Variants in PRLR observed in about 807,000 individuals in gnomAD.
PRLR encodes the protein prolactin receptor, also known as hPRL receptor.
Under a neutral mutation model 40.2 loss-of-function variants are expected in PRLR, and 13 were observed. The ratio of observed to expected loss-of-function variants is 0.32; its 90% confidence interval spans 0.21 to 0.51. The LOEUF (loss-of-function observed/expected upper bound fraction) is 0.51, where lower values mean the gene tolerates loss of function less well. Ranked by LOEUF, PRLR falls within the 20% of genes least tolerant of loss-of-function variation. The pLI, the probability that PRLR is intolerant of heterozygous loss-of-function variation, is 0.97. For synonymous variants in PRLR, 269 were observed against 278.7 expected (o/e 0.97, Z 0.35); for missense variants, 656 against 747.3 (o/e 0.88, Z 1.42).
chr5:35,091,740 C>T lies in PRLR; in HGVS notation c.-43-2077G>A, dbSNP rs75242878. ...GCCTTCTCAGCTACTGCCCTACTTA[C>T]GCCCAAGGACCTTAAATACTGTTGA... On this transcript the variant is annotated intron_variant, in intron 2 of 9. Coordinates refer to ENST00000618457, the MANE Select transcript of PRLR (RefSeq NM_000949.7). 3.5e-3 allele frequency among the ~76,000 whole-genome samples: 528 copies of T among 152,294 alleles called. 3 individuals are homozygous for T. Among genetic ancestry groups the T allele is most frequent in the African/African-American group, 0.011 (450 of 41,564 alleles).
chr5:35,176,578 C>T (rs931778893), intron 1 of PRLR, among the ~76,000 whole-genome samples: 154 of 152,198 alleles, frequency 1.0e-3, no homozygotes, highest in Non-Finnish European at 1.5e-3. Context: ...GGATTAAGGG[C>T]GGTGCAAGAT....
intron 1 of PRLR, among the ~76,000 whole-genome samples, chr5:35,121,355 G>T (rs1296023151): frequency 6.6e-6 from 1 of 152,272 alleles, no homozygotes; most frequent in South Asian, 2.1e-4. Context: ...TCAGTTCTAC[G>T]TTCCTAGAGG....
Position 35,202,275 on chromosome 5 carries a change from T to C in PRLR, c.-106+27993A>G, listed in dbSNP as rs139912297. 7.9e-5 allele frequency among the ~76,000 whole-genome samples: 12 copies of C among 152,318 alleles called. No individual in the cohort carries two copies. In the East Asian group the frequency reaches 2.3e-3, roughly 29 times the overall value. On this transcript the variant is annotated intron_variant, in intron 1 of 9. Transcript: ENST00000618457. ...TCTAGCAGAGAAAAAACATGACCTTTGAGTCAAGAGACCTGAGTCAAGTCC... is the reference window on the plus strand; with the variant it reads ...TCTAGCAGAGAAAAAACATGACCTTCGAGTCAAGAGACCTGAGTCAAGTCC...
intron 1 of PRLR, among the ~76,000 whole-genome samples, chr5:35,228,789 C>A (rs1184775254): frequency 6.6e-6 from 1 of 152,098 alleles, no homozygotes; most frequent in South Asian, 2.1e-4. Context: ...TGACTCCAGA[C>A]CCCCAAGAAG....
At chr5:35,174,150 C>A (rs778493317) in intron 1 of PRLR, among the ~76,000 whole-genome samples, 73 of 150,928 alleles carry the variant, frequency 4.8e-4, no homozygotes, top group South Asian at 1.0e-3. Context: ...AATGCAGTGG[C>A]GCGATCTCGG....
Position 35,185,894 on chromosome 5 carries a change from A to G in PRLR, c.-106+44374T>C, listed in dbSNP as rs539855095. ...TTCAGACTATGGGGAGCAAGATAAA[A>G]GTGTTCCCAACCATATTAGTGTTCT... On this transcript the variant is annotated intron_variant, in intron 1 of 9. Coordinates refer to ENST00000618457, the MANE Select transcript of PRLR (RefSeq NM_000949.7). Among the ~76,000 whole-genome samples, 9 of 152,302 alleles carry G rather than the reference A, an allele frequency of 5.9e-5. No homozygotes were observed. The East Asian group carries it at 1.5e-3, about 26-fold the overall frequency.
intron 2 of PRLR, among the ~76,000 whole-genome samples, chr5:35,092,264 C>G (rs1771259984): frequency 6.6e-6 from 1 of 152,164 alleles, no homozygotes; most frequent in Non-Finnish European, 1.5e-5. Context: ...ATGCCTAAAA[C>G]CCCCATGCCA....
intron 3 of PRLR, among the ~76,000 whole-genome samples, chr5:35,087,165 T>C (rs557884903): frequency 6.6e-6 from 1 of 152,234 alleles, no homozygotes; most frequent in South Asian, 2.1e-4. Flanking sequence ...TAAGTTTTTG[T>C]ATTTTTAGTA....
chr5:35,077,812 C>A lies in PRLR; in HGVS notation c.374-5068G>T, dbSNP rs191043013. ...AGACCACATAGTTGGAAGGAAAGCA[C>A]TCCTCAGCAAATGTAAAAGGACAGA... On this transcript the variant is annotated intron_variant, in intron 5 of 9. Transcript: ENST00000618457. Among the ~76,000 whole-genome samples the A allele has an allele frequency of 2.0e-3, 297 of 152,304 alleles. 2 individuals are homozygous for A. The highest frequency in any genetic ancestry group is 5.6e-3 in the African/African-American group (234 of 41,560).
intron 2 of PRLR, among the ~76,000 whole-genome samples, chr5:35,105,155 G>A (rs923086637): frequency 3.2e-4 from 49 of 152,286 alleles, no homozygotes; most frequent in Non-Finnish European, 4.9e-4. Context: ...TGCAGCTGAG[G>A]GTCCTGACTG....
intron 1 of PRLR, among the ~76,000 whole-genome samples, chr5:35,128,881 G>T (rs1004900706): frequency 5.9e-5 from 9 of 152,130 alleles, no homozygotes; most frequent in African/African-American, 2.2e-4. Context: ...TGCTTATCAA[G>T]CACAACTCTC....
chr5:35,149,477 A>T lies in PRLR; in HGVS notation c.-105-31355T>A, dbSNP rs140560481. On this transcript the variant is annotated intron_variant, in intron 1 of 9. Coordinates refer to ENST00000618457, the MANE Select transcript of PRLR (RefSeq NM_000949.7). ...TAATAATAATATCCAGTTTTCATGC[A>T]GCTCACACATATGATACTGCAATAG... 4.3e-3 allele frequency among the ~76,000 whole-genome samples: 660 copies of T among 152,300 alleles called. 4 individuals carry two copies. The highest frequency in any genetic ancestry group is 0.015 in the African/African-American group (639 of 41,550).
chr5:35,157,272 T>G (rs2111889863), intron 1 of PRLR, among the ~76,000 whole-genome samples: 1 of 152,276 alleles, frequency 6.6e-6, no homozygotes, highest in African/African-American at 2.4e-5. Context: ...TTACCAGGTC[T>G]GAGGGCAAAC....
At chr5:35,168,369 T>A (rs866952891) in intron 1 of PRLR, among the ~76,000 whole-genome samples, 6 of 152,092 alleles carry the variant, frequency 3.9e-5, no homozygotes, top group Non-Finnish European at 7.4e-5. Flanking sequence ...GACGTTTATA[T>A]AATAAAACAC....
In PRLR at chr5:35,056,672, T is replaced by C. The variant is rs1214198017; in HGVS notation, c.*8417A>G. 3 of 152,184 alleles carry C rather than the reference T, an allele frequency of 2.0e-5. No homozygotes were observed. 9.4% of individuals were successfully genotyped at this position (152,184 alleles called of 1,614,324 possible). A position where few individuals can be genotyped will look rare whatever the true frequency, so the allele number is the denominator to read the frequency against. ...ATTAGCTACATATTACTTCTCCAGC[T>C]CATCATTAATTGTATAGAACCTGTG... On this transcript the variant is annotated 3_prime_UTR_variant, in exon 10 of 10. Coordinates refer to ENST00000618457, the MANE Select transcript of PRLR (RefSeq NM_000949.7).
intron 1 of PRLR, among the ~76,000 whole-genome samples, chr5:35,171,035 T>C (rs937931721): frequency 1.3e-5 from 2 of 149,938 alleles, no homozygotes; most frequent in Non-Finnish European, 3.0e-5. Flanking sequence ...TGTTTCTGTT[T>C]GCTGTTTTTC....
At chr5:35,079,288 T>G (rs1281692183) in intron 5 of PRLR, among the ~76,000 whole-genome samples, 1 of 152,204 alleles carries the variant, frequency 6.6e-6, no homozygotes, top group African/African-American at 2.4e-5. Flanking sequence ...GCAGATGACA[T>G]GATTGTACGT....
chr5:35,216,429 G>A (rs1011014702), intron 1 of PRLR, among the ~76,000 whole-genome samples: 1 of 152,144 alleles, frequency 6.6e-6, no homozygotes, highest in African/African-American at 2.4e-5. Flanking sequence ...GCTTATGTGG[G>A]GCATCTTAGT....
At chr5:35,191,531 C>T (rs1299876300) in intron 1 of PRLR, among the ~76,000 whole-genome samples, 1 of 152,174 alleles carries the variant, frequency 6.6e-6, no homozygotes, top group Non-Finnish European at 1.5e-5. Flanking sequence ...TGTCATCTGT[C>T]TTGTCCCCTC....
Sources: allele counts gnomAD v4.1 joint callset (sites outside exome capture counted in the v4.1 genomes callset), GRCh38; gene constraint gnomAD v4.1.1; transcripts MANE v1.5; gene names NCBI Gene and HGNC (gene_info 2026-07-23, HGNC 2026-07-21).